Variants in GSE1 observed in about 807,000 individuals in gnomAD.
GSE1 encodes the protein Gse1 coiled-coil protein.
Under a neutral mutation model 112.6 loss-of-function variants are expected in GSE1, and 32 were observed. The observed-to-expected ratio is 0.28, with a 90% CI of 0.21 to 0.38. The LOEUF is 0.38. Ranked by LOEUF, GSE1 falls within the 10% of genes least tolerant of loss-of-function variation. The pLI, the probability that GSE1 is intolerant of heterozygous loss-of-function variation, is 1.00. For synonymous variants in GSE1, 1,115 were observed against 735.6 expected (o/e 1.52, Z -8.35); for missense variants, 2,348 against 1,699.2 (o/e 1.38, Z -6.71).
At chr16:85,394,441 G>A (rs1033185616) in intron 2 of GSE1, among the ~76,000 whole-genome samples, 6 of 152,146 alleles carry the variant, frequency 3.9e-5, no homozygotes, top group Non-Finnish European at 5.9e-5. Flanking sequence ...GGAAGAGGAC[G>A]GTTGGGCTTT....
At chr16:85,623,550 C>T (rs2048872658) in intron 1 of GSE1, among the ~76,000 whole-genome samples, 1 of 152,150 alleles carries the variant, frequency 6.6e-6, no homozygotes, top group South Asian at 2.1e-4. Flanking sequence ...TTGCTCTGCC[C>T]CCATAGTGTG....
intron 1 of GSE1, among the ~76,000 whole-genome samples, chr16:85,263,942 G>A (rs1907971051): frequency 6.6e-6 from 1 of 152,094 alleles, no homozygotes; most frequent in Non-Finnish European, 1.5e-5. Context: ...CTGCTGGTCG[G>A]CAGGGTGGAC....
chr16:85,495,142 G>C (rs373839076), intron 2 of GSE1, among the ~76,000 whole-genome samples: 1 of 152,354 alleles, frequency 6.6e-6, no homozygotes, highest in East Asian at 1.9e-4. Context: ...TTCGGGAGGA[G>C]GGGAGAAAGG....
chr16:85,534,414 G>A (rs1335880984), intron 2 of GSE1, among the ~76,000 whole-genome samples: 4 of 152,180 alleles, frequency 2.6e-5, no homozygotes, highest in Admixed American at 1.3e-4. Context: ...GAGCCACCAC[G>A]CCCGGCCAAT....
At chr16:85,598,652 C>T (rs2047337507) in intron 1 of GSE1, among the ~76,000 whole-genome samples, 1 of 152,232 alleles carries the variant, frequency 6.6e-6, no homozygotes, top group Non-Finnish European at 1.5e-5. Context: ...GGCAGGCAGG[C>T]CAAGAGGGGC....
intron 2 of GSE1, among the ~76,000 whole-genome samples, chr16:85,497,306 A>C (rs899902730): frequency 6.6e-6 from 1 of 152,164 alleles, no homozygotes; most frequent in African/African-American, 2.4e-5. Context: ...TGCGTTTTAC[A>C]TTGGGACTCT....
At chr16:85,435,621 A>AG (rs200725842) in intron 2 of GSE1, among the ~76,000 whole-genome samples, 8,466 of 151,644 alleles carry the variant, frequency 0.056, 331 homozygotes, top group Middle Eastern at 0.12. Context: ...GTGGGTTTTG[A>AG]GGGGGGATCT....
At chr16:85,622,830 C>T (rs188505500) in intron 1 of GSE1, among the ~76,000 whole-genome samples, 69 of 152,250 alleles carry the variant, frequency 4.5e-4, no homozygotes, top group African/African-American at 1.7e-3. Flanking sequence ...ATGGAGTTAC[C>T]GTGTCGATGA....
At chr16:85,277,074 T>C (rs1233431673) in intron 1 of GSE1, among the ~76,000 whole-genome samples, 1 of 151,978 alleles carries the variant, frequency 6.6e-6, no homozygotes, top group Non-Finnish European at 1.5e-5. Flanking sequence ...CCAGAATGGA[T>C]TGAATCTGGG....
chr16:85,204,270 G>T (rs185297493), intron 1 of GSE1, among the ~76,000 whole-genome samples: 3 of 152,268 alleles, frequency 2.0e-5, no homozygotes, highest in Admixed American at 2.0e-4. Context: ...TGTCTTCAAG[G>T]TTCACCCCTG....
intron 1 of GSE1, among the ~76,000 whole-genome samples, chr16:85,234,855 G>C (rs553049663): frequency 6.6e-6 from 1 of 152,300 alleles, no homozygotes; most frequent in South Asian, 2.1e-4. Context: ...CCAGCTGGGG[G>C]ATTAGAAGGC....
At chr16:85,616,104 A>G (rs1244889910) in intron 1 of GSE1, among the ~76,000 whole-genome samples, 1 of 152,246 alleles carries the variant, frequency 6.6e-6, no homozygotes, top group African/African-American at 2.4e-5. Flanking sequence ...GGCCCCAGGA[A>G]GAGCCAAGTC....
intron 2 of GSE1, among the ~76,000 whole-genome samples, chr16:85,522,300 C>A (rs549821712): frequency 6.6e-6 from 1 of 152,076 alleles, no homozygotes; most frequent in Non-Finnish European, 1.5e-5. Context: ...TGGTCAGGGC[C>A]GTCAGGACTG....
chr16:85,177,914 C>T (rs557017516), intron 1 of GSE1, among the ~76,000 whole-genome samples: 11 of 152,300 alleles, frequency 7.2e-5, no homozygotes, highest in African/African-American at 2.6e-4. Flanking sequence ...CTGTGTGAGC[C>T]TCTACCCTCA....
chr16:85,388,339 T>TGG (rs2047747413), intron 2 of GSE1, among the ~76,000 whole-genome samples: 1 of 13,224 alleles, frequency 7.6e-5, no homozygotes, highest in East Asian at 2.9e-3. Context: ...TGAATGGATG[T>TGG]ATGGCTGGAT....
intron 2 of GSE1, among the ~76,000 whole-genome samples, chr16:85,426,148 T>TG (rs2048980012): frequency 6.9e-6 from 1 of 145,554 alleles, no homozygotes; most frequent in Non-Finnish European, 1.5e-5. Context: ...TATGGATGGA[T>TG]GAATGGATGG....
chr16:85,247,752 C>T (rs1262556707), intron 1 of GSE1, among the ~76,000 whole-genome samples: 1 of 152,202 alleles, frequency 6.6e-6, no homozygotes, highest in African/African-American at 2.4e-5. Flanking sequence ...TGTGAGCACT[C>T]AGGGAGGGAA....
intron 3 of GSE1, among the ~76,000 whole-genome samples, chr16:85,652,918 G>A (rs534113113): frequency 6.6e-6 from 1 of 152,020 alleles, no homozygotes; most frequent in South Asian, 2.1e-4. Flanking sequence ...ACTGCCCGCT[G>A]ATCAGCAGTC....
intron 1 of GSE1, among the ~76,000 whole-genome samples, chr16:85,297,125 G>A (rs1364230716): frequency 6.6e-6 from 1 of 152,224 alleles, no homozygotes; most frequent in African/African-American, 2.4e-5. Flanking sequence ...CCTGCTGCCC[G>A]CCCTCTACCC....
Sources: gnomAD v4.1 joint callset for allele counts (sites outside exome capture counted in the v4.1 genomes callset) on GRCh38, gnomAD v4.1.1 for gene constraint, MANE v1.5 for transcripts, NCBI Gene and HGNC (gene_info 2026-07-23, HGNC 2026-07-21) for gene names.